The following SLC44A5 variants were observed in gnomAD, a reference collection of about 807,000 sequenced individuals.
SLC44A5 encodes solute carrier family 44 member 5, also known as choline transporter-like protein 5.
SLC44A5 carries 57 observed loss-of-function variants against 101.8 expected under a neutral mutation model. The observed-to-expected ratio is 0.56, with a 90% CI of 0.45 to 0.70. SLC44A5 has a LOEUF of 0.70. SLC44A5 is among the 30% of genes least tolerant of loss of function. The pLI, the probability that SLC44A5 is intolerant of heterozygous loss-of-function variation, is 0.00. For missense variants in SLC44A5, 737 were observed against 853.1 expected (o/e 0.86, Z 1.70); for synonymous variants, 281 against 290.9 (o/e 0.97, Z 0.35).
chr1:75,564,450 T>TGTTC (rs56295248), intron 1 of SLC44A5, among the ~76,000 whole-genome samples: 2 of 151,426 alleles, frequency 1.3e-5, no homozygotes, highest in East Asian at 3.9e-4. Flanking sequence ...CAATCGTTTT[T>TGTTC]ATTTTTCTAC....
chr1:75,431,994 G>A (rs1325863487), intron 2 of SLC44A5, among the ~76,000 whole-genome samples: 1 of 152,042 alleles, frequency 6.6e-6, no homozygotes, highest in Admixed American at 6.6e-5. Context: ...TGTGTAGACA[G>A]TCTCCACTTA....
chr1:75,346,433 G>GA (rs1658261575), intron 3 of SLC44A5, among the ~76,000 whole-genome samples: 1 of 152,030 alleles, frequency 6.6e-6, no homozygotes, highest in Non-Finnish European at 1.5e-5. Flanking sequence ...CACCTCAAAA[G>GA]AAAAAATATA....
At chr1:75,343,659 A>T (rs929171401) in intron 3 of SLC44A5, among the ~76,000 whole-genome samples, 1 of 152,138 alleles carries the variant, frequency 6.6e-6, no homozygotes, top group African/African-American at 2.4e-5. Flanking sequence ...CTTAAAAGAG[A>T]CCTACTGTGA....
chr1:75,557,363 G>C (rs1672275737), intron 1 of SLC44A5, among the ~76,000 whole-genome samples: 3 of 152,114 alleles, frequency 2.0e-5, no homozygotes, highest in African/African-American at 7.2e-5. Context: ...CTTATCTAAT[G>C]CAGGCAACAT....
the SLC44A5 span, among the ~76,000 whole-genome samples, chr1:75,647,442 C>A: frequency 3.3e-5 from 5 of 152,280 alleles, no homozygotes; most frequent in Non-Finnish European, 7.4e-5. Context: ...TATAGAGTCC[C>A]CACTGGGGCA....
chr1:75,383,261 C>T (rs200295102), intron 3 of SLC44A5, among the ~76,000 whole-genome samples: 8 of 126,450 alleles, frequency 6.3e-5, no homozygotes, highest in East Asian at 2.3e-4. Flanking sequence ...TCCCCCTCTT[C>T]GAGAAACACC....
Position 75,475,881 on chromosome 1 carries a change from TA to T in SLC44A5, c.13+65553del, listed in dbSNP as rs1056227266. 8.5e-5 allele frequency among the ~76,000 whole-genome samples: 13 copies of T among 152,308 alleles called. 1 individual carries two copies. Among genetic ancestry groups the T allele is most frequent in the African/African-American group, 3.1e-4 (13 of 41,570 alleles). ...AATTTCTTCATCTGTAAAATGGAGA[TA>T]AAAACAACATATATCTCAGTGGCTG... is the stretch of plus-strand genomic sequence containing the variant. On this transcript the variant is annotated intron_variant, in intron 2 of 23. Coordinates refer to ENST00000370859, the MANE Select transcript of SLC44A5 (RefSeq NM_001130058.2).
intron 2 of SLC44A5, among the ~76,000 whole-genome samples, chr1:75,424,752 T>C (rs1205458710): frequency 6.6e-6 from 1 of 152,182 alleles, no homozygotes; most frequent in Non-Finnish European, 1.5e-5. Flanking sequence ...CAAGAGTTTT[T>C]TTTTCAAACA....
chr1:75,476,152 C>A (rs58416133), intron 2 of SLC44A5, among the ~76,000 whole-genome samples: 4,001 of 151,826 alleles, frequency 0.026, 168 homozygotes, highest in African/African-American at 0.092. Context: ...CACTGCACTC[C>A]AGCCTGGGAG....
At chr1:75,528,554 C>T (rs1011883626) in intron 2 of SLC44A5, among the ~76,000 whole-genome samples, 2 of 152,246 alleles carry the variant, frequency 1.3e-5, no homozygotes, top group Non-Finnish European at 2.9e-5. Context: ...TCTATGAAAA[C>T]ATGTGCGACA....
At chr1:75,364,242 A>G (rs1461744472) in intron 3 of SLC44A5, among the ~76,000 whole-genome samples, 1 of 152,166 alleles carries the variant, frequency 6.6e-6, no homozygotes, top group African/African-American at 2.4e-5. Flanking sequence ...TTTATAAAGA[A>G]AAGAATTTAC....
intron 6 of SLC44A5, among the ~76,000 whole-genome samples, chr1:75,260,290 T>C (rs562626718): frequency 2.0e-5 from 3 of 152,142 alleles, no homozygotes; most frequent in East Asian, 1.9e-4. Flanking sequence ...CCATTTCACA[T>C]GCAAAGACAC....
intron 2 of SLC44A5, among the ~76,000 whole-genome samples, chr1:75,419,361 A>G (rs2101550794): frequency 6.6e-6 from 1 of 152,168 alleles, no homozygotes; most frequent in South Asian, 2.1e-4. Flanking sequence ...TCTTAAAAGT[A>G]GCCAGAGAAA....
intron 5 of SLC44A5, among the ~76,000 whole-genome samples, chr1:75,289,805 C>T (rs1639039596): frequency 6.6e-6 from 1 of 152,114 alleles, no homozygotes; most frequent in South Asian, 2.1e-4. Context: ...AGTAGAAGAT[C>T]TGAATCATTT....
At chr1:75,454,445 C>T (rs1191269520) in intron 2 of SLC44A5, among the ~76,000 whole-genome samples, 2 of 152,062 alleles carry the variant, frequency 1.3e-5, no homozygotes, top group African/African-American at 4.8e-5. Flanking sequence ...CAACATCATA[C>T]TGAATAGGCA....
chr1:75,721,579 G>A, the SLC44A5 span, among the ~76,000 whole-genome samples: 1 of 152,122 alleles, frequency 6.6e-6, no homozygotes, highest in Admixed American at 6.6e-5. Context: ...GCCTCCTAAT[G>A]TAATACAATA....
At chr1:75,555,298 T>C (rs971433267) in intron 1 of SLC44A5, among the ~76,000 whole-genome samples, 1 of 152,142 alleles carries the variant, frequency 6.6e-6, no homozygotes, top group African/African-American at 2.4e-5. Context: ...ACTTCAAAGA[T>C]GTAAGAATGA....
chr1:75,329,144 T>C (rs1176974199), intron 4 of SLC44A5, among the ~76,000 whole-genome samples: 2 of 152,312 alleles, frequency 1.3e-5, no homozygotes, highest in South Asian at 2.1e-4. Flanking sequence ...TAAAAATAAG[T>C]AAATAAAGAT....
chr1:75,511,026 C>G (rs1669540617), intron 2 of SLC44A5, among the ~76,000 whole-genome samples: 1 of 152,108 alleles, frequency 6.6e-6, no homozygotes, highest in South Asian at 2.1e-4. Context: ...GCCTGTAGTC[C>G]CAGCTACTCG....
Sources: gnomAD v4.1 joint callset for allele counts (sites outside exome capture counted in the v4.1 genomes callset) on GRCh38, gnomAD v4.1.1 for gene constraint, MANE v1.5 for transcripts, NCBI Gene and HGNC (gene_info 2026-07-23, HGNC 2026-07-21) for gene names.